TRAF1: variants seen among roughly 807,000 people sequenced by gnomAD.
TRAF1 encodes TNF receptor-associated factor 1.
In TRAF1, 23 loss-of-function variants were observed where a neutral mutation model predicts 40.9. The observed-to-expected ratio is 0.56, with a 90% CI of 0.40 to 0.80. The LOEUF (loss-of-function observed/expected upper bound fraction) is 0.80. TRAF1 is among the 30% of genes least tolerant of loss of function. The pLI is 0.00. For missense variants in TRAF1, 477 were observed against 528.7 expected (o/e 0.90, Z 0.96); for synonymous variants, 206 against 218.8 (o/e 0.94, Z 0.52).
intron 2 of TRAF1, among the ~76,000 whole-genome samples, chr9:120,924,958 C>T (rs1168585553): frequency 6.6e-6 from 1 of 152,224 alleles, no homozygotes; most frequent in East Asian, 1.9e-4. Context: ...ACCAGGAGAC[C>T]CACTACCAGA....
rs568638347 is a variant in TRAF1 at position 120,903,445 on chromosome 9, C to T, written c.*1575G>A. On this transcript the variant is annotated 3_prime_UTR_variant, in exon 8 of 8. Coordinates refer to ENST00000373887, the MANE Select transcript of TRAF1 (RefSeq NM_005658.5). Reference sequence around the variant, plus strand: ...TTGAGACTGCCGTGCCACGATGCTCCGTCACCTCCTTTGATCCTCCTGTAT... The same window carrying T: ...TTGAGACTGCCGTGCCACGATGCTCTGTCACCTCCTTTGATCCTCCTGTAT... The T allele has an allele frequency of 3.9e-5, 6 of 152,442 alleles. No homozygotes were observed. Among genetic ancestry groups the T allele is most frequent in the South Asian group, 4.1e-4 (2 of 4,824 alleles). The allele number at this position is 152,442 out of a possible 1,614,324, so 9.4% of individuals were successfully genotyped here.
intron 7 of TRAF1, among the ~76,000 whole-genome samples, chr9:120,905,898 C>T (rs2046477355): frequency 6.6e-6 from 1 of 152,212 alleles, no homozygotes; most frequent in Admixed American, 6.5e-5. Context: ...CATTAGGACC[C>T]CCTGCGGAGA....
Position 120,913,725 on chromosome 9 carries a change from G to T in TRAF1, c.308C>A (p.Ser103Tyr). The T allele has an allele frequency of 6.4e-7, 1 of 1,571,328 alleles. No individual in the cohort carries two copies. The change falls in exon 5 of 8, where the codon TCT becomes TAT. Residue 103 changes from serine to tyrosine, a missense_variant. By Grantham distance (144) the Ser-to-Tyr change is moderately radical. Coordinates refer to ENST00000373887, the MANE Select transcript of TRAF1 (RefSeq NM_005658.5). ...VGCSFKGSPQSVQEHEVTSQT... is the reference protein window; with the variant it reads ...VGCSFKGSPQYVQEHEVTSQT... Reference sequence around the variant, plus strand: ...GGAGGTGACCTCATGCTCTTGCACAGACTGTGGGCTTCCCTGACAAGAGAG... The same window carrying T: ...GGAGGTGACCTCATGCTCTTGCACATACTGTGGGCTTCCCTGACAAGAGAG...
At chr9:120,913,048 AGTGGAATAT>A (rs2046540299) in intron 5 of TRAF1, among the ~76,000 whole-genome samples, 1 of 152,144 alleles carries the variant, frequency 6.6e-6, no homozygotes. Flanking sequence ...ACTTGCTAAG[AGTGGAATAT>A]GTCCTGCACT....
Position 120,911,389 on chromosome 9 carries a change from G to T in TRAF1, c.830C>A (p.Thr277Asn), listed in dbSNP as rs1564117977. ...GTFLWKITNVTRRCHESACGR... is the reference protein window; with the variant it reads ...GTFLWKITNVNRRCHESACGR... ...ACAGGCCGACTCATGGCACCGCCTG[G>T]TGACATTGGTGATCTTCCACAGGAA... The change falls in exon 6 of 8, where the codon ACC (threonine) becomes AAC (asparagine). Residue 277 changes from threonine (T) to asparagine (N), a missense_variant. Thr to Asn is a moderately conservative substitution (Grantham distance 65). Transcript: ENST00000373887. 1 of 1,613,714 alleles carries T rather than the reference G, an allele frequency of 6.2e-7. No individual in the cohort carries two copies. Among genetic ancestry groups the T allele is most frequent in the South Asian group, 1.1e-5 (1 of 91,088 alleles).
At position 120,906,183 on chromosome 9, in the gene TRAF1, T is replaced by G. The variant is rs1040979478; in HGVS notation, c.1033-945A>C. On this transcript the variant is annotated intron_variant, in intron 7 of 7. Coordinates refer to ENST00000373887, the MANE Select transcript of TRAF1 (RefSeq NM_005658.5). Reference sequence around the variant, plus strand: ...TAAGAATTATGGTGTGTTTTTTTTTTTTTTTTTTTTTTTGAGACAGAGTTT... The same window carrying G: ...TAAGAATTATGGTGTGTTTTTTTTTGTTTTTTTTTTTTTGAGACAGAGTTT... 3.3e-4 allele frequency among the ~76,000 whole-genome samples: 17 copies of G among 52,150 alleles called. 1 individual carries two copies. The highest frequency in any genetic ancestry group is 5.8e-4 in the Non-Finnish European group (8 of 13,822). The allele number at this position is 52,150 out of a possible 152,430, so 34.2% of individuals were successfully genotyped here.
rs548071998 is a variant in TRAF1 at position 120,922,923 on chromosome 9, G to A, written c.228+782C>T. Among the ~76,000 whole-genome samples the A allele has an allele frequency of 4.6e-5, 7 of 152,080 alleles. No individual in the cohort carries two copies. The South Asian group carries it at 1.5e-3, about 32-fold the overall frequency. Reference sequence around the variant, plus strand: ...CACGATCATGGTTCACTGCAGCCTCGACCTCCCCAGGCTCAGGCGACTCTC... The same window carrying A: ...CACGATCATGGTTCACTGCAGCCTCAACCTCCCCAGGCTCAGGCGACTCTC... On this transcript the variant is annotated intron_variant, in intron 3 of 7. Coordinates refer to ENST00000373887, the MANE Select transcript of TRAF1 (RefSeq NM_005658.5).
chr9:120,916,841 T>C (rs143866590), intron 3 of TRAF1, among the ~76,000 whole-genome samples: 28 of 152,276 alleles, frequency 1.8e-4, no homozygotes, highest in African/African-American at 6.7e-4. Context: ...TCCCCAAACA[T>C]GTAGCTTTTG....
intron 3 of TRAF1, chr9:120,914,600 CGGGGGGGCTCT>C (rs1564119312): frequency 9.5e-7 from 1 of 1,055,970 alleles, no homozygotes; most frequent in African/African-American, 1.7e-5. Context: ...CCCGACTGGT[CGGGGGGGCTCT>C]GTGAGGGCCA....
intron 6 of TRAF1, among the ~76,000 whole-genome samples, chr9:120,910,228 G>A (rs1026040888): frequency 2.0e-5 from 3 of 152,148 alleles, no homozygotes; most frequent in Admixed American, 1.3e-4. Context: ...CAGGAAGCAC[G>A]AGGTACTGCT....
chr9:120,914,803 T>G (rs1043818535), intron 3 of TRAF1, among the ~76,000 whole-genome samples: 1 of 152,190 alleles, frequency 6.6e-6, no homozygotes, highest in Non-Finnish European at 1.5e-5. Flanking sequence ...TCCGCACAAC[T>G]TTCCCTTCCA....
In TRAF1 at chr9:120,903,365, C is replaced by T. The variant is rs1046039197; in HGVS notation, c.*1655G>A. 6.6e-6 allele frequency: 1 copy of T among 152,268 alleles called. No homozygotes were observed. Among genetic ancestry groups the T allele is most frequent in the Non-Finnish European group, 1.5e-5 (1 of 68,062 alleles). 9.4% of individuals were successfully genotyped at this position (152,268 alleles called of 1,614,324 possible). On this transcript the variant is annotated 3_prime_UTR_variant, in exon 8 of 8. Transcript: ENST00000373887. ...CTTCCTCTGATCTTCAGCTGAAGGA[C>T]TAAGCATGACAGGATGCCAGGCTTA...
chr9:120,906,520 T>A (rs2046484105), intron 7 of TRAF1, among the ~76,000 whole-genome samples: 1 of 152,064 alleles, frequency 6.6e-6, no homozygotes, highest in Admixed American at 6.6e-5. Context: ...CAGTTTTAGG[T>A]TCACAGCAAA....
At chr9:120,923,324 G>A (rs907763640) in intron 3 of TRAF1, among the ~76,000 whole-genome samples, 1 of 152,232 alleles carries the variant, frequency 6.6e-6, no homozygotes, top group Admixed American at 6.5e-5. Context: ...CACACAGTGA[G>A]AGAGTGGCCT....
At chr9:120,913,805 C>T in intron 4 of TRAF1, 67 bp from the exon 5 acceptor site, 3 of 1,476,658 alleles carry the variant, frequency 2.0e-6, no homozygotes, top group Non-Finnish European at 2.7e-6. Context: ...CAGTGGAGTG[C>T]CCTGCTATCA....
rs759834952 is a variant in TRAF1, at chr9:120,905,190, C to A, written c.1081G>T (p.Ala361Ser). ...GCTGAGCTTAGGTCAGGCCGGAAGG[C>A]GTCAATGGCGTGCTCACGGTTGTTC... ...DQNNREHAIDAFRPDLSSASF... is the reference protein window; with the variant it reads ...DQNNREHAIDSFRPDLSSASF... Residue 361 changes from alanine (A) to serine (S), a missense_variant, in exon 8 of 8, where the codon GCC (alanine) becomes TCC (serine). Transcript: ENST00000373887. The A allele has an allele frequency of 1.2e-6, 2 of 1,613,816 alleles. No homozygotes were observed. Among genetic ancestry groups the A allele is most frequent in the Admixed American group, 1.7e-5 (1 of 59,946 alleles).
Position 120,905,144 on chromosome 9 carries a change from C to G in TRAF1, c.1127G>C (p.Ser376Thr). ...GCATCCACTGGCCACGTTGGTTTCA[C>G]TCTGGGGCCTCTGGAAGGACGCTGA... is the stretch of plus-strand genomic sequence containing the variant. Reference protein sequence around the residue: ...LSSASFQRPQSETNVASGCPL... With the variant: ...LSSASFQRPQTETNVASGCPL... Residue 376 changes from serine (S) to threonine (T), a missense_variant, in exon 8 of 8, where the codon AGT becomes ACT. By Grantham distance (58) the Ser-to-Thr change is moderately conservative. Transcript: ENST00000373887. 6.2e-7 allele frequency: 1 copy of G among 1,614,248 alleles called. No homozygotes were observed.
At chr9:120,912,989 G>C (rs1005149199) in intron 5 of TRAF1, among the ~76,000 whole-genome samples, 1 of 152,212 alleles carries the variant, frequency 6.6e-6, no homozygotes, top group African/African-American at 2.4e-5. Flanking sequence ...GCAGGGCCAG[G>C]AACAATGCAG....
At chr9:120,926,498 T>G (rs2046642161) in intron 1 of TRAF1, 52 bp downstream of exon 1, 1 of 154,346 alleles carries the variant, frequency 6.5e-6, no homozygotes, top group Non-Finnish European at 1.4e-5. Flanking sequence ...GTCCCTGGTC[T>G]GTGTTCCCTG....
Sources: allele counts gnomAD v4.1 joint callset (sites outside exome capture counted in the v4.1 genomes callset), GRCh38; gene constraint gnomAD v4.1.1; transcripts MANE v1.5; gene names NCBI Gene and HGNC (gene_info 2026-07-23, HGNC 2026-07-21).